ZNF774: variants seen among roughly 807,000 people sequenced by gnomAD.
The protein encoded by ZNF774 is zinc finger protein 774.
A neutral mutation model predicts 11.1 loss-of-function variants in ZNF774; 14 were observed. That is an observed-to-expected ratio of 1.26 (90% confidence interval 0.83 to 1.97). The LOEUF is 1.97. ZNF774 is among the 30% of genes most tolerant of loss of function. The probability of loss-of-function intolerance (pLI) is 0.00; values close to 1 mark genes in which losing one functional copy is unlikely to be tolerated. For missense variants in ZNF774, 599 were observed against 587.0 expected (o/e 1.02, Z -0.21); for synonymous variants, 195 against 212.6 (o/e 0.92, Z 0.72).
Position 90,361,063 on chromosome 15 carries a change from G to T in ZNF774, c.1232G>T (p.Ser411Ile), listed in dbSNP as rs1462345159. ...RPYKCGECGKSFNQSSHFITH... is the reference protein window; with the variant it reads ...RPYKCGECGKIFNQSSHFITH... The stretch of plus-strand genomic sequence containing the variant: ...TACAAATGTGGAGAGTGTGGGAAGA[G>T]CTTCAATCAGAGCTCCCACTTTATT... The change falls in exon 4 of 4, where the codon AGC becomes ATC. Residue 411 changes from serine to isoleucine, a missense_variant. Coordinates refer to ENST00000354377, the MANE Select transcript of ZNF774 (RefSeq NM_001004309.3). The T allele has an allele frequency of 6.2e-7, 1 of 1,614,156 alleles. No homozygotes were observed. The highest frequency in any genetic ancestry group is 8.5e-7 in the Non-Finnish European group (1 of 1,180,008).
chr15:90,359,934 A>T, intron 3 of ZNF774, 109 bp from the exon 4 acceptor site: 1 of 1,222,180 alleles, frequency 8.2e-7, no homozygotes, highest in Non-Finnish European at 1.1e-6. Context: ...CGGTTGAATT[A>T]AGTGCAGTCT....
At chr15:90,356,942 A>G (rs1964257219) in intron 2 of ZNF774, among the ~76,000 whole-genome samples, 1 of 152,016 alleles carries the variant, frequency 6.6e-6, no homozygotes, top group Admixed American at 6.6e-5. Context: ...GTTGTGGGAC[A>G]TTTAGGTCAT....
chr15:90,354,720 C>A lies in ZNF774; in HGVS notation c.60C>A (p.Leu20=). ...CTGGACACTGCTTAGAGAATCCTCT[C>A]CAGGAATGCCACCCAGCACAGTTAG... ...GLPGHCLENP[L]QECHPAQLEE... is the part of the protein sequence containing the mutation. The change falls in exon 2 of 4, where the codon CTC becomes CTA. Residue 20 remains leucine, a synonymous_variant. Coordinates refer to ENST00000354377, the MANE Select transcript of ZNF774 (RefSeq NM_001004309.3). 1.2e-6 allele frequency: 2 copies of A among 1,611,948 alleles called. No individual in the cohort carries two copies. The highest frequency in any genetic ancestry group is 1.7e-6 in the Non-Finnish European group (2 of 1,179,070).
In ZNF774 at chr15:90,361,035, C is replaced by T; in HGVS notation, c.1204C>T (p.Pro402Ser). The T allele has an allele frequency of 6.2e-7, 1 of 1,614,146 alleles. No homozygotes were observed. Among genetic ancestry groups the T allele is most frequent in the South Asian group, 1.1e-5 (1 of 91,078 alleles). Residue 402 changes from proline (P) to serine (S), a missense_variant, in exon 4 of 4, where the codon CCC becomes TCC. By Grantham distance (74) the Pro-to-Ser change is moderately conservative. Transcript: ENST00000354377. The stretch of plus-strand genomic sequence containing the variant: ...CCAACGAATCCACACCGGAGAAAGA[C>T]CCTACAAATGTGGAGAGTGTGGGAA... ...KHQRIHTGERPYKCGECGKSF... is the reference protein window; with the variant it reads ...KHQRIHTGERSYKCGECGKSF...
At chr15:90,354,576 TGGC>T in intron 1 of ZNF774, 63 bp from the exon 2 acceptor site, 1 of 1,106,520 alleles carries the variant, frequency 9.0e-7, no homozygotes, top group Non-Finnish European at 1.3e-6. Context: ...GGCCATTTTT[TGGC>T]TTTCAGACAA....
In ZNF774 at chr15:90,360,648, A is replaced by C; in HGVS notation, c.817A>C (p.Ser273Arg). 1 of 1,614,222 alleles carries C rather than the reference A, an allele frequency of 6.2e-7. No homozygotes were observed. The highest frequency in any genetic ancestry group is 1.3e-5 in the African/African-American group (1 of 75,046). ...GTGCCTGGAATGTCACAAAAGCTTC[A>C]GTCGAAGCTCAAATTTCATCACTCA... ...YACLECHKSFSRSSNFITHQR... is the reference protein window; with the variant it reads ...YACLECHKSFRRSSNFITHQR... The change falls in exon 4 of 4, where the codon AGT becomes CGT. Residue 273 changes from serine (S) to arginine (R), a missense_variant. Ser to Arg is a moderately radical substitution (Grantham distance 110). Coordinates refer to ENST00000354377, the MANE Select transcript of ZNF774 (RefSeq NM_001004309.3).
In ZNF774 at chr15:90,360,241, G is replaced by A. The variant is rs1273882926; in HGVS notation, c.410G>A (p.Arg137Lys). The change falls in exon 4 of 4, where the codon AGG (arginine) becomes AAG (lysine). Residue 137 changes from arginine to lysine, a missense_variant. Transcript: ENST00000354377. ...CAGCTGGAGTCCTTTTCACAGGAGA[G>A]GGATTTAAACAAGCTCCTGGATGGA... The part of the protein sequence containing the change: ...EGQLESFSQE[R>K]DLNKLLDGYV... 3.1e-6 allele frequency: 5 copies of A among 1,614,106 alleles called. No individual in the cohort carries two copies. The highest frequency in any genetic ancestry group is 3.3e-5 in the Admixed American group (2 of 60,002).
Position 90,362,619 on chromosome 15 carries a change from A to G in ZNF774, c.*1336A>G. 6.6e-7 allele frequency: 1 copy of G among 1,519,842 alleles called. No homozygotes were observed. Among genetic ancestry groups the G allele is most frequent in the Admixed American group, 2.0e-5 (1 of 50,958 alleles). 94.1% of individuals were successfully genotyped at this position (1,519,842 alleles called of 1,614,324 possible). A position where few individuals can be genotyped will look rare whatever the true frequency, so the allele number is the denominator to read the frequency against. ...TTGAGGGACGGCAAGTGTGTTGGAAAGAACACCGACTTCATTGAGAAGGTA... is the reference window on the plus strand; with the variant it reads ...TTGAGGGACGGCAAGTGTGTTGGAAGGAACACCGACTTCATTGAGAAGGTA... On this transcript the variant is annotated 3_prime_UTR_variant, in exon 4 of 4. Coordinates refer to ENST00000354377, the MANE Select transcript of ZNF774 (RefSeq NM_001004309.3).
In ZNF774 at chr15:90,360,492, A is replaced by G. The variant is rs754531818; in HGVS notation, c.661A>G (p.Thr221Ala). Residue 221 changes from threonine to alanine, a missense_variant, in exon 4 of 4, where the codon ACA becomes GCA. Physicochemically the swap from Thr to Ala is moderately conservative, Grantham distance 58. Coordinates refer to ENST00000354377, the MANE Select transcript of ZNF774 (RefSeq NM_001004309.3). ...TGAGAAGAAATTCAGCGACAGCTCA[A>G]CACTCATCAAACATCAGAGAACCCA... ...GCEKKFSDSS[T>A]LIKHQRTHTG... 2.5e-6 allele frequency: 4 copies of G among 1,613,922 alleles called. No individual in the cohort carries two copies. Among genetic ancestry groups the G allele is most frequent in the Middle Eastern group, 3.3e-4 (2 of 6,082 alleles).
chr15:90,353,671 C>G, intron 1 of ZNF774, among the ~76,000 whole-genome samples: 1 of 151,472 alleles, frequency 6.6e-6, no homozygotes, highest in Non-Finnish European at 1.5e-5. Context: ...TCATAGCTCA[C>G]TGCAGCCTGG....
Position 90,360,022 on chromosome 15 carries a change from T to C in ZNF774, c.212-21T>C. On this transcript the variant is annotated intron_variant, in intron 3 of 3. Coordinates refer to ENST00000354377, the MANE Select transcript of ZNF774 (RefSeq NM_001004309.3). Reference sequence around the variant, plus strand: ...TGATAACTGATAACTTTATTCTCTGTTACTTACATTAATTTTTCAGACTGT... The same window carrying C: ...TGATAACTGATAACTTTATTCTCTGCTACTTACATTAATTTTTCAGACTGT... The C allele has an allele frequency of 1.3e-6, 2 of 1,578,232 alleles. 1 individual carries two copies. The highest frequency in any genetic ancestry group is 2.3e-5 in the South Asian group (2 of 85,422).
At chr15:90,360,021 G>A (rs772984769) in intron 3 of ZNF774, 22 bp from the exon 4 acceptor site, 1 of 1,577,636 alleles carries the variant, frequency 6.3e-7, no homozygotes, top group African/African-American at 1.4e-5. Flanking sequence ...TTTATTCTCT[G>A]TTACTTACAT....
intron 2 of ZNF774, among the ~76,000 whole-genome samples, chr15:90,357,333 C>T (rs543436324): frequency 6.6e-6 from 1 of 151,904 alleles, no homozygotes; most frequent in African/African-American, 2.4e-5. Flanking sequence ...ATAATGAGAC[C>T]CTGTCTCTAC....
In ZNF774 at chr15:90,360,608, C is replaced by G. The variant is rs749390415; in HGVS notation, c.777C>G (p.Gly259=). ...TAATGCACCAAAGAACCCACACAGG[C>G]GAGAAGCCCTACGCGTGCCTGGAAT... The part of the protein sequence containing the change: ...HLIMHQRTHT[G]EKPYACLECH... The change falls in exon 4 of 4, where the codon GGC becomes GGG. Residue 259 remains glycine, a synonymous_variant. Transcript: ENST00000354377. 1 of 1,613,828 alleles carries G rather than the reference C, an allele frequency of 6.2e-7. No individual in the cohort carries two copies. Among genetic ancestry groups the G allele is most frequent in the Middle Eastern group, 1.6e-4 (1 of 6,062 alleles).
rs1407492023 is a variant in ZNF774, at chr15:90,360,798, G to C, written c.967G>C (p.Glu323Gln). Residue 323 changes from glutamate to glutamine, a missense_variant, in exon 4 of 4, where the codon GAG becomes CAG. Coordinates refer to ENST00000354377, the MANE Select transcript of ZNF774 (RefSeq NM_001004309.3). ...GGGAGAACGGCCCTTCAAATGCCCG[G>C]AGTGCGGGAAGGGCTTCAGAGATAG... The part of the protein sequence containing the change: ...HTGERPFKCP[E>Q]CGKGFRDSSH... 2 of 1,614,044 alleles carry C rather than the reference G, an allele frequency of 1.2e-6. No homozygotes were observed. The highest frequency in any genetic ancestry group is 2.7e-5 in the African/African-American group (2 of 74,910).
chr15:90,362,577 C>T lies in ZNF774; in HGVS notation c.*1294C>T. 1 of 1,535,668 alleles carries T rather than the reference C, an allele frequency of 6.5e-7. No homozygotes were observed. The highest frequency in any genetic ancestry group is 8.7e-7 in the Non-Finnish European group (1 of 1,146,556). ...CAGGTTATGCACTAGTACATTCCTA[C>T]ATTCAATTGAAATAAATTGAGGGAC... On this transcript the variant is annotated 3_prime_UTR_variant, in exon 4 of 4. Coordinates refer to ENST00000354377, the MANE Select transcript of ZNF774 (RefSeq NM_001004309.3).
chr15:90,355,145 T>C (rs1455351221), intron 2 of ZNF774, among the ~76,000 whole-genome samples: 2 of 152,148 alleles, frequency 1.3e-5, no homozygotes, highest in Non-Finnish European at 2.9e-5. Context: ...GACTTAGATA[T>C]TTGGAGAGGG....
chr15:90,355,751 C>T (rs1159000518), intron 2 of ZNF774, among the ~76,000 whole-genome samples: 2 of 129,428 alleles, frequency 1.5e-5, no homozygotes, highest in East Asian at 2.4e-4. Context: ...AAAAACAAGG[C>T]TGGGCGCGGT....
chr15:90,360,006 A>T, intron 3 of ZNF774, 37 bp from the exon 4 acceptor site: 2 of 1,543,934 alleles, frequency 1.3e-6, no homozygotes, highest in Non-Finnish European at 8.7e-7. Context: ...CTGATAACTG[A>T]TAACTTTATT....
Sources: gnomAD v4.1 joint callset for allele counts (sites outside exome capture counted in the v4.1 genomes callset) on GRCh38, gnomAD v4.1.1 for gene constraint, MANE v1.5 for transcripts, NCBI Gene and HGNC (gene_info 2026-07-23, HGNC 2026-07-21) for gene names.